Variants in IQGAP2 observed in about 807,000 individuals in gnomAD.
IQGAP2 encodes IQ motif containing GTPase activating protein 2.
A neutral mutation model predicts 201.3 loss-of-function variants in IQGAP2; 173 were observed. The ratio of observed to expected loss-of-function variants is 0.86; its 90% CI spans 0.76 to 0.98. The LOEUF is 0.98. Among genes scored for constraint, IQGAP2 ranks in the 50% least tolerant of loss-of-function variants. IQGAP2 has a pLI of 0.00. For synonymous variants in IQGAP2, 675 were observed against 673.9 expected (o/e 1.00, Z -0.03); for missense variants, 1,687 against 1,864.8 (o/e 0.90, Z 1.76).
At chr5:76,557,143 C>T (rs1410112907) in intron 2 of IQGAP2, among the ~76,000 whole-genome samples, 1 of 152,204 alleles carries the variant, frequency 6.6e-6, no homozygotes, top group Non-Finnish European at 1.5e-5. Context: ...TTGTTTTACA[C>T]TAGGCTAGAG....
intron 1 of IQGAP2, among the ~76,000 whole-genome samples, chr5:76,450,362 A>G (rs552445121): frequency 4.7e-4 from 72 of 152,206 alleles, no homozygotes; most frequent in Admixed American, 3.3e-3. Context: ...GTTTGCACTA[A>G]TATAATAGGG....
In IQGAP2 at chr5:76,687,689, A is replaced by G. The variant is rs192291946; in HGVS notation, c.3905+3772A>G. Among the ~76,000 whole-genome samples the G allele has an allele frequency of 7.0e-4, 107 of 152,248 alleles. 1 individual carries two copies. Among genetic ancestry groups the G allele is most frequent in the Non-Finnish European group, 1.8e-4 (12 of 68,018 alleles). On this transcript the variant is annotated intron_variant, in intron 30 of 35. Coordinates refer to ENST00000274364, the MANE Select transcript of IQGAP2 (RefSeq NM_006633.5). ...AGATTCTCATAGGAGTATGAACCCT[A>G]TTGTGAGCTCCACATGCAAGGGATC...
chr5:76,542,629 A>C (rs1229442145), intron 2 of IQGAP2, among the ~76,000 whole-genome samples: 7 of 152,256 alleles, frequency 4.6e-5, no homozygotes, highest in Non-Finnish European at 7.3e-5. Flanking sequence ...ATAAAATCTG[A>C]AATCTCTTCA....
chr5:76,707,093 T>C (rs1747971385), intron 35 of IQGAP2, 107 bp from the exon 36 acceptor site: 4 of 664,760 alleles, frequency 6.0e-6, no homozygotes, highest in Middle Eastern at 4.1e-4. Flanking sequence ...CCCACCCAGG[T>C]GATTAGGTCA....
intron 13 of IQGAP2, chr5:76,617,280 A>C (rs1201559831): frequency 4.1e-6 from 1 of 242,424 alleles, no homozygotes; most frequent in Non-Finnish European, 8.1e-6. Flanking sequence ...CCCCGTCTCT[A>C]CTAAAAATAC....
rs60754058 is a variant in IQGAP2, at chr5:76,575,253, G to A, written c.382-440G>A. Among the ~76,000 whole-genome samples the A allele has an allele frequency of 6.1e-3, 928 of 152,166 alleles. 6 individuals are homozygous for A. Among genetic ancestry groups the A allele is most frequent in the African/African-American group, 0.021 (883 of 41,516 alleles). ...GTGTGTGTGTGTGTTGTATATGCATGTATACATGTGTACAGAGCACATATG... is the reference window on the plus strand; with the variant it reads ...GTGTGTGTGTGTGTTGTATATGCATATATACATGTGTACAGAGCACATATG... On this transcript the variant is annotated intron_variant, in intron 4 of 35. Coordinates refer to ENST00000274364, the MANE Select transcript of IQGAP2 (RefSeq NM_006633.5).
chr5:76,425,797 G>A (rs954655502), intron 1 of IQGAP2, among the ~76,000 whole-genome samples: 8 of 152,066 alleles, frequency 5.3e-5, no homozygotes, highest in South Asian at 2.1e-4. Context: ...CTTGCTTTTC[G>A]GTTACCTTTT....
At chr5:76,668,299 T>C (rs970026659) in intron 22 of IQGAP2, among the ~76,000 whole-genome samples, 6 of 152,106 alleles carry the variant, frequency 3.9e-5, no homozygotes, top group Non-Finnish European at 8.8e-5. Context: ...AGATATAATA[T>C]GTTAAGTGTA....
intron 2 of IQGAP2, among the ~76,000 whole-genome samples, chr5:76,493,722 G>A (rs374291458): frequency 3.9e-5 from 6 of 152,116 alleles, no homozygotes; most frequent in Admixed American, 3.3e-4. Flanking sequence ...TGTCTCAAAT[G>A]TCTAGAACAG....
intron 2 of IQGAP2, among the ~76,000 whole-genome samples, chr5:76,559,880 A>G (rs931064111): frequency 1.3e-5 from 2 of 152,034 alleles, no homozygotes; most frequent in African/African-American, 2.4e-5. Context: ...GTATCCTCCA[A>G]TGGGAACGCA....
At chr5:76,416,821 C>T (rs1011056704) in intron 1 of IQGAP2, among the ~76,000 whole-genome samples, 10 of 151,636 alleles carry the variant, frequency 6.6e-5, no homozygotes, top group South Asian at 2.1e-4. Context: ...CCAACACACC[C>T]GGCCTGAGCT....
intron 2 of IQGAP2, among the ~76,000 whole-genome samples, chr5:76,468,195 C>T (rs1754890095): frequency 6.6e-6 from 1 of 152,022 alleles, no homozygotes; most frequent in African/African-American, 2.4e-5. Context: ...TAAATAAGAT[C>T]AATTGGTATT....
In IQGAP2 at chr5:76,636,838, C is replaced by T. The variant is rs971066508; in HGVS notation, c.1781-196C>T. ...CTAGCCTTAGATATTTGTGTCTCTTCCTTTTCTTTGGGTTAGCAGGCATCT... is the reference window on the plus strand; with the variant it reads ...CTAGCCTTAGATATTTGTGTCTCTTTCTTTTCTTTGGGTTAGCAGGCATCT... On this transcript the variant is annotated intron_variant, in intron 15 of 35. Transcript: ENST00000274364. 3.3e-5 allele frequency among the ~76,000 whole-genome samples: 5 copies of T among 152,196 alleles called. No individual in the cohort carries two copies. The South Asian group carries it at 8.3e-4, about 25-fold the overall frequency.
chr5:76,537,648 TA>T (rs1264216365), intron 2 of IQGAP2, among the ~76,000 whole-genome samples: 2 of 152,254 alleles, frequency 1.3e-5, no homozygotes, highest in Admixed American at 1.3e-4. Flanking sequence ...TTTAATGATT[TA>T]AAAATGTAAA....
chr5:76,593,870 T>G (rs1026553897), intron 9 of IQGAP2, among the ~76,000 whole-genome samples: 1 of 152,194 alleles, frequency 6.6e-6, no homozygotes. Flanking sequence ...TGCAAAGAAG[T>G]GTACACCCAC....
chr5:76,657,291 G>C (rs1742833502), intron 20 of IQGAP2, among the ~76,000 whole-genome samples: 1 of 152,234 alleles, frequency 6.6e-6, no homozygotes, highest in Admixed American at 6.5e-5. Flanking sequence ...TGGATGAGCG[G>C]TGGTGCATTG....
chr5:76,427,348 A>G (rs1036235050), intron 1 of IQGAP2, among the ~76,000 whole-genome samples: 7 of 152,132 alleles, frequency 4.6e-5, no homozygotes, highest in African/African-American at 1.2e-4. Flanking sequence ...TACTGGACCA[A>G]TTAGTGTTGT....
intron 2 of IQGAP2, among the ~76,000 whole-genome samples, chr5:76,562,018 G>A (rs918520975): frequency 4.6e-5 from 7 of 152,118 alleles, no homozygotes; most frequent in Non-Finnish European, 1.0e-4. Flanking sequence ...TATAAGAATT[G>A]CCTCTGCCAA....
At chr5:76,650,584 C>T (rs949206974) in intron 17 of IQGAP2, among the ~76,000 whole-genome samples, 12 of 152,210 alleles carry the variant, frequency 7.9e-5, no homozygotes, top group African/African-American at 2.9e-4. Context: ...CTCCAAAATA[C>T]AGAGCATTGC....
Sources: allele counts gnomAD v4.1 joint callset (sites outside exome capture counted in the v4.1 genomes callset), GRCh38; gene constraint gnomAD v4.1.1; transcripts MANE v1.5; gene names NCBI Gene and HGNC (gene_info 2026-07-23, HGNC 2026-07-21).